The following OLA1 variants were observed in gnomAD, a reference collection of about 807,000 sequenced individuals.
OLA1 encodes obg-like ATPase 1.
OLA1 carries 14 observed loss-of-function variants against 48.4 expected under a neutral mutation model. The ratio of observed to expected loss-of-function variants is 0.29; its 90% CI spans 0.19 to 0.45. OLA1 has a LOEUF of 0.45. OLA1 is among the 20% of genes least tolerant of loss of function. OLA1 has a pLI of 1.00. For synonymous variants in OLA1, 127 were observed against 150.4 expected, an observed-to-expected ratio of 0.84 and a Z score of 1.14; for missense variants, 325 against 467.1, an observed-to-expected ratio of 0.70 and a Z score of 2.80.
chr2:174,199,379 G>A (rs993686139), intron 4 of OLA1, among the ~76,000 whole-genome samples: 5 of 152,086 alleles, frequency 3.3e-5, no homozygotes, highest in African/African-American at 9.7e-5. Flanking sequence ...ACACTAGCAG[G>A]GGGCAGCTGC....
At chr2:174,100,649 C>A (rs1685370472) in intron 7 of OLA1, among the ~76,000 whole-genome samples, 1 of 152,122 alleles carries the variant, frequency 6.6e-6, no homozygotes, top group Non-Finnish European at 1.5e-5. Context: ...TTCAAATGAT[C>A]CCCGCCTCAG....
intron 2 of OLA1, among the ~76,000 whole-genome samples, chr2:174,242,481 A>G (rs1462853512): frequency 6.6e-6 from 1 of 152,182 alleles, no homozygotes; most frequent in Non-Finnish European, 1.5e-5. Context: ...ACCAGTCCCC[A>G]GCATGAGGTT....
chr2:174,179,195 T>C (rs999389586), intron 4 of OLA1, among the ~76,000 whole-genome samples: 4 of 151,402 alleles, frequency 2.6e-5, no homozygotes, highest in African/African-American at 9.7e-5. Context: ...GGATAAAACA[T>C]AACCATGAAA....
intron 2 of OLA1, among the ~76,000 whole-genome samples, chr2:174,235,707 T>C (rs998525706): frequency 6.6e-6 from 1 of 151,662 alleles, no homozygotes. Flanking sequence ...TATGGGAGAG[T>C]ATACTAGAAA....
chr2:174,144,983 A>G (rs10194581), intron 4 of OLA1, among the ~76,000 whole-genome samples: 4,494 of 103,354 alleles, frequency 0.043, 393 homozygotes, highest in African/African-American at 0.15. Context: ...TATATATATA[A>G]TCACGGAATA....
In OLA1 at chr2:174,079,034, T is replaced by A. The variant is rs772709924; in HGVS notation, c.1023A>T (p.Gly341=). 2 of 1,604,222 alleles carry A rather than the reference T, an allele frequency of 1.2e-6. No individual in the cohort carries two copies. Among genetic ancestry groups the A allele is most frequent in the South Asian group, 2.2e-5 (2 of 90,104 alleles). The part of the protein sequence containing the change: ...AGKIHTDFEK[G]FIMAEVMKYE... ...ATTTCATTACTTCAGCCATAATGAATCCCTTTTCAAAATCTGTGTGAATCT... is the reference window on the plus strand; with the variant it reads ...ATTTCATTACTTCAGCCATAATGAAACCCTTTTCAAAATCTGTGTGAATCT... Residue 341 remains glycine (G), a synonymous_variant, in exon 10 of 11, where the codon GGA becomes GGT. Transcript: ENST00000284719.
chr2:174,134,930 G>A (rs568160412), intron 5 of OLA1, among the ~76,000 whole-genome samples: 4 of 152,308 alleles, frequency 2.6e-5, no homozygotes, highest in Non-Finnish European at 4.4e-5. Flanking sequence ...GGGAGGCTGA[G>A]GCCGGCGGAT....
At chr2:174,208,237 C>A (rs1163427756) in intron 4 of OLA1, among the ~76,000 whole-genome samples, 1 of 152,148 alleles carries the variant, frequency 6.6e-6, no homozygotes, top group Non-Finnish European at 1.5e-5. Flanking sequence ...AGCAAAATTA[C>A]AAGTAAATAT....
At chr2:174,228,606 T>C (rs1265817670) in intron 3 of OLA1, among the ~76,000 whole-genome samples, 2 of 152,198 alleles carry the variant, frequency 1.3e-5, no homozygotes, top group African/African-American at 2.4e-5. Context: ...ATTTTTTTAA[T>C]TGAAGACATA....
At chr2:174,221,306 T>C (rs1318480382) in intron 4 of OLA1, among the ~76,000 whole-genome samples, 1 of 152,180 alleles carries the variant, frequency 6.6e-6, no homozygotes, top group Non-Finnish European at 1.5e-5. Context: ...CAAATGAATA[T>C]TATGTAAGAA....
At chr2:174,194,751 CAAT>C (rs1687847351) in intron 4 of OLA1, among the ~76,000 whole-genome samples, 4 of 152,004 alleles carry the variant, frequency 2.6e-5, no homozygotes, top group Admixed American at 1.3e-4. Flanking sequence ...AAAGAAGAGC[CAAT>C]TTCTTCTTTC....
chr2:174,245,827 G>A (rs1186374222), intron 2 of OLA1, among the ~76,000 whole-genome samples: 1 of 152,016 alleles, frequency 6.6e-6, no homozygotes, highest in African/African-American at 2.4e-5. Context: ...CTGGGAGGCA[G>A]AGGCTGCAGT....
intron 4 of OLA1, among the ~76,000 whole-genome samples, chr2:174,142,208 C>T (rs56060099): frequency 6.6e-6 from 1 of 152,008 alleles, no homozygotes; most frequent in Non-Finnish European, 1.5e-5. Flanking sequence ...CTCCATATTT[C>T]AAAAATTGAT....
At chr2:174,155,901 G>A (rs1459476555) in intron 4 of OLA1, among the ~76,000 whole-genome samples, 9 of 152,150 alleles carry the variant, frequency 5.9e-5, no homozygotes, top group Admixed American at 2.0e-4. Flanking sequence ...TATAACAGAA[G>A]TGATTAAGGG....
intron 6 of OLA1, 69 bp from the exon 7 acceptor site, chr2:174,123,346 T>A (rs1685964059): frequency 1.4e-6 from 1 of 722,558 alleles, no homozygotes; most frequent in African/African-American, 1.9e-5. Context: ...CACTGAAGAA[T>A]TTGAAAGTAA....
At chr2:174,229,954 A>C (rs1054930147) in intron 2 of OLA1, among the ~76,000 whole-genome samples, 1 of 152,202 alleles carries the variant, frequency 6.6e-6, no homozygotes, top group African/African-American at 2.4e-5. Flanking sequence ...TCTAATCATT[A>C]GTATGTAAGG....
chr2:174,122,813 T>A (rs1199058828), intron 7 of OLA1, among the ~76,000 whole-genome samples: 1 of 152,026 alleles, frequency 6.6e-6, no homozygotes, highest in Non-Finnish European at 1.5e-5. Flanking sequence ...GTGGGTATTT[T>A]AAAGTCACTT....
intron 4 of OLA1, among the ~76,000 whole-genome samples, chr2:174,214,766 G>C (rs1172200047): frequency 6.6e-6 from 1 of 152,114 alleles, no homozygotes; most frequent in East Asian, 1.9e-4. Flanking sequence ...ATTTTAAAAA[G>C]GGGCTGGGAG....
chr2:174,144,502 G>C (rs922143041), intron 4 of OLA1, among the ~76,000 whole-genome samples: 1 of 152,066 alleles, frequency 6.6e-6, no homozygotes, highest in Non-Finnish European at 1.5e-5. Context: ...CATAAAATTT[G>C]GTGGCCATTT....
Sources: allele counts gnomAD v4.1 joint callset (sites outside exome capture counted in the v4.1 genomes callset), GRCh38; gene constraint gnomAD v4.1.1; transcripts MANE v1.5; gene names NCBI Gene and HGNC (gene_info 2026-07-23, HGNC 2026-07-21).